Variants in ZNF148 observed in about 807,000 individuals in gnomAD.
ZNF148 encodes Beta-Enolase Repressor Factor-1.
A neutral mutation model predicts 67.7 loss-of-function variants in ZNF148; 7 were observed. That is an observed-to-expected ratio of 0.10 (90% CI 0.06 to 0.19). The LOEUF (loss-of-function observed/expected upper bound fraction) is 0.19, where lower values mean the gene tolerates loss of function less well. Among genes scored for constraint, ZNF148 ranks in the 10% least tolerant of loss-of-function variants. ZNF148 has a pLI of 1.00. For synonymous variants in ZNF148, 333 were observed against 330.7 expected, an observed-to-expected ratio of 1.01 and a Z score of -0.08; for missense variants, 583 against 947.1, an observed-to-expected ratio of 0.62 and a Z score of 5.05.
At position 125,336,728 on chromosome 3, in the gene ZNF148, G is replaced by C. The variant is rs565354589; in HGVS notation, c.-233-5490C>G. On this transcript the variant is annotated intron_variant, in intron 1 of 8. Coordinates refer to ENST00000360647, the MANE Select transcript of ZNF148 (RefSeq NM_021964.3). ...AGTCTTGCTCTGTCACCAGGCTGGA[G>C]TGCGGTGGTACAATCTCAGCTCACC... is the stretch of plus-strand genomic sequence containing the variant. Among the ~76,000 whole-genome samples the C allele has an allele frequency of 3.6e-5, 5 of 137,614 alleles. No homozygotes were observed. The East Asian group carries it at 8.1e-4, about 22-fold the overall frequency. 90.3% of individuals were successfully genotyped at this position (137,614 alleles called of 152,430 possible).
intron 7 of ZNF148, among the ~76,000 whole-genome samples, chr3:125,249,616 T>TA (rs535375287): frequency 5.3e-5 from 8 of 151,740 alleles, no homozygotes; most frequent in South Asian, 4.2e-4. Context: ...TGGAGGTTCC[T>TA]AAAAAAACAA....
At position 125,232,312 on chromosome 3, in the gene ZNF148, C is replaced by G. The variant is rs1935886051; in HGVS notation, c.*29G>C. 6.4e-7 allele frequency: 1 copy of G among 1,566,402 alleles called. No homozygotes were observed. The highest frequency in any genetic ancestry group is 8.6e-7 in the Non-Finnish European group (1 of 1,160,606). ...CTCTTGATTAATCTGTTCTAAAGTG[C>G]CAGTATTATTTACACTTTTTTTTTT... is the stretch of plus-strand genomic sequence containing the variant. On this transcript the variant is annotated 3_prime_UTR_variant, in exon 9 of 9. Coordinates refer to ENST00000360647, the MANE Select transcript of ZNF148 (RefSeq NM_021964.3). This position sits in a 1 kb window ranked among gnomAD's most constrained non-coding sequence, Gnocchi z 4.2.
At chr3:125,298,126 T>C (rs985262112) in intron 4 of ZNF148, among the ~76,000 whole-genome samples, 10 of 152,112 alleles carry the variant, frequency 6.6e-5, no homozygotes, top group African/African-American at 2.2e-4. Flanking sequence ...GTAAAACTAA[T>C]AGACTATGAC....
intron 7 of ZNF148, among the ~76,000 whole-genome samples, chr3:125,253,376 T>C (rs1461863026): frequency 1.3e-5 from 2 of 152,198 alleles, no homozygotes; most frequent in Non-Finnish European, 2.9e-5. Context: ...CTGCAAGTTA[T>C]TTTGAATTTT....
At chr3:125,275,269 C>CAACT (rs571213967) in intron 7 of ZNF148, among the ~76,000 whole-genome samples, 64 of 152,316 alleles carry the variant, frequency 4.2e-4, no homozygotes, top group Admixed American at 2.4e-3. Context: ...TGGTTCCTCT[C>CAACT]AACTCCTTAT....
chr3:125,233,864 A>G lies in ZNF148; in HGVS notation c.862T>C (p.Cys288Arg). 1 of 1,613,296 alleles carries G rather than the reference A, an allele frequency of 6.2e-7. No homozygotes were observed. The highest frequency in any genetic ancestry group is 8.5e-7 in the Non-Finnish European group (1 of 1,179,788). Reference sequence around the variant, plus strand: ...GTCAGAAGGCCACCTTTGATGGCACATCTATTTAGTTTTTTGTCATGATTT... The same window carrying G: ...GTCAGAAGGCCACCTTTGATGGCACGTCTATTTAGTTTTTTGTCATGATTT... ...HENHDKKLNRCAIKGGLLTSE... is the reference protein window; with the variant it reads ...HENHDKKLNRRAIKGGLLTSE... The change falls in exon 9 of 9, where the codon TGT (cysteine) becomes CGT (arginine). Residue 288 changes from cysteine to arginine, a missense_variant. Cys to Arg is a radical substitution (Grantham distance 180). Coordinates refer to ENST00000360647, the MANE Select transcript of ZNF148 (RefSeq NM_021964.3). This position sits in a 1 kb window ranked among gnomAD's most constrained non-coding sequence, Gnocchi z 5.1.
chr3:125,324,701 G>A (rs970446272), intron 2 of ZNF148, among the ~76,000 whole-genome samples: 4 of 152,132 alleles, frequency 2.6e-5, no homozygotes, highest in Non-Finnish European at 5.9e-5. Context: ...GCTTATGATG[G>A]TACAAAGGCA....
At chr3:125,260,047 G>A (rs1232612199) in intron 7 of ZNF148, among the ~76,000 whole-genome samples, 1 of 152,136 alleles carries the variant, frequency 6.6e-6, no homozygotes, top group Non-Finnish European at 1.5e-5. Flanking sequence ...CCAGTTGGTG[G>A]AGCAGTTGGA....
chr3:125,269,205 C>CAA (rs71148173), intron 7 of ZNF148, among the ~76,000 whole-genome samples: 48,308 of 96,458 alleles, frequency 0.5, 12,131 homozygotes, highest in Middle Eastern at 0.59. Context: ...CGGTCTCTAC[C>CAA]AAAAAAAAAA....
At position 125,228,766 on chromosome 3, in the gene ZNF148, T is replaced by C. The variant is rs1259978861; in HGVS notation, c.*3575A>G. 1.3e-5 allele frequency: 2 copies of C among 152,602 alleles called. No homozygotes were observed. The highest frequency in any genetic ancestry group is 4.8e-5 in the African/African-American group (2 of 41,470). 9.5% of individuals were successfully genotyped at this position (152,602 alleles called of 1,614,324 possible). ...TTGATTGTCAAGACACGTTTATATA[T>C]AAACTCTAACTGTGCAGAATTAAAG... On this transcript the variant is annotated 3_prime_UTR_variant, in exon 9 of 9. Coordinates refer to ENST00000360647, the MANE Select transcript of ZNF148 (RefSeq NM_021964.3).
In ZNF148 at chr3:125,232,621, G is replaced by A. The variant is rs1316064590; in HGVS notation, c.2105C>T (p.Thr702Ile). The A allele has an allele frequency of 6.2e-7, 1 of 1,613,822 alleles. No homozygotes were observed. ...AGTCACTTGATCCAGAAAGTCCTGT[G>A]TTGATGTGGCAGAAGCATGGTTTGT... ...DETNHASATS[T>I]QDFLDQVTSQ... Residue 702 changes from threonine to isoleucine, a missense_variant, in exon 9 of 9, where the codon ACA becomes ATA. Physicochemically the swap from Thr to Ile is moderately conservative, Grantham distance 89. Coordinates refer to ENST00000360647, the MANE Select transcript of ZNF148 (RefSeq NM_021964.3). The surrounding 1 kb of genome is among the most constrained non-coding windows in gnomAD (Gnocchi z 4.2).
At chr3:125,283,635 TC>T (rs1188432102) in intron 5 of ZNF148, among the ~76,000 whole-genome samples, 1 of 152,166 alleles carries the variant, frequency 6.6e-6, no homozygotes, top group African/African-American at 2.4e-5. Flanking sequence ...ATTCCATACT[TC>T]CTGTTTGCAT....
intron 1 of ZNF148, among the ~76,000 whole-genome samples, chr3:125,349,818 A>G (rs139186822): frequency 1.3e-5 from 2 of 152,322 alleles, no homozygotes; most frequent in African/African-American, 2.4e-5. Context: ...TACAGCTCAG[A>G]TGACAGAGCC....
At chr3:125,253,322 T>C (rs1462684110) in intron 7 of ZNF148, among the ~76,000 whole-genome samples, 1 of 152,244 alleles carries the variant, frequency 6.6e-6, no homozygotes, top group Non-Finnish European at 1.5e-5. Context: ...TTTTGAATAC[T>C]GACCTTGTAT....
At chr3:125,374,780 G>A (rs1032047959) in intron 1 of ZNF148, among the ~76,000 whole-genome samples, 1 of 151,740 alleles carries the variant, frequency 6.6e-6, no homozygotes, top group African/African-American at 2.4e-5. Flanking sequence ...GCACCCTCCG[G>A]CCTCCCCGTG....
At chr3:125,307,196 T>A (rs539083659) in intron 4 of ZNF148, among the ~76,000 whole-genome samples, 1 of 152,346 alleles carries the variant, frequency 6.6e-6, no homozygotes, top group Non-Finnish European at 1.5e-5. Flanking sequence ...AGCTGTTTAA[T>A]ATTTGAAAAT....
At chr3:125,351,484 C>T (rs1341310828) in intron 1 of ZNF148, among the ~76,000 whole-genome samples, 1 of 149,622 alleles carries the variant, frequency 6.7e-6, no homozygotes, top group Non-Finnish European at 1.5e-5. Flanking sequence ...CAACATTGTG[C>T]TTATAATTAA....
chr3:125,366,507 A>G (rs1942707429), intron 1 of ZNF148, among the ~76,000 whole-genome samples: 1 of 152,086 alleles, frequency 6.6e-6, no homozygotes, highest in Non-Finnish European at 1.5e-5. Flanking sequence ...ATGAGTGACA[A>G]TCAGCTTTTT....
chr3:125,240,595 T>G (rs1051878685), intron 7 of ZNF148, among the ~76,000 whole-genome samples: 1 of 151,804 alleles, frequency 6.6e-6, no homozygotes, highest in Non-Finnish European at 1.5e-5. Flanking sequence ...GGACCCTGTA[T>G]CTACAAAAAA....
Sources: allele counts gnomAD v4.1 joint callset (sites outside exome capture counted in the v4.1 genomes callset), GRCh38; gene constraint gnomAD v4.1.1; non-coding constraint Gnocchi (gnomAD v3.1); transcripts MANE v1.5; gene names NCBI Gene and HGNC (gene_info 2026-07-23, HGNC 2026-07-21).